Variants in NUBPL observed in about 807,000 individuals in gnomAD.
The protein encoded by NUBPL is NUBP iron-sulfur cluster assembly factor, mitochondrial, also known as iron-sulfur cluster transfer protein NUBPL.
Under a neutral mutation model 45.7 loss-of-function variants are expected in NUBPL, and 31 were observed. The observed-to-expected ratio is 0.68, with a 90% CI of 0.51 to 0.92. The LOEUF (loss-of-function observed/expected upper bound fraction) is 0.92. NUBPL is among the 40% of genes least tolerant of loss of function. The pLI, the probability that NUBPL is intolerant of heterozygous loss-of-function variation, is 0.00. For missense variants in NUBPL, 401 were observed against 398.7 expected (o/e 1.01, Z -0.05); for synonymous variants, 144 against 140.9 (o/e 1.02, Z -0.15).
At chr14:31,650,811 G>A (rs1595437125) in intron 4 of NUBPL, among the ~76,000 whole-genome samples, 1 of 152,120 alleles carries the variant, frequency 6.6e-6, no homozygotes, top group African/African-American at 2.4e-5. Context: ...TGGAAGATTG[G>A]GCATCTAGTG....
rs545876561 is a variant in NUBPL at position 31,834,755 on chromosome 14, C to T, written c.693+8041C>T. On this transcript the variant is annotated intron_variant, in intron 8 of 10. Coordinates refer to ENST00000281081, the MANE Select transcript of NUBPL (RefSeq NM_025152.3). ...CCTGTGAAATACAGAACATCATTTC[C>T]CCCATTTTGCACATGAGGAAATGTG... is the stretch of plus-strand genomic sequence containing the variant. 3.3e-5 allele frequency among the ~76,000 whole-genome samples: 5 copies of T among 152,200 alleles called. No individual in the cohort carries two copies. In the East Asian group the frequency reaches 9.7e-4, roughly 29 times the overall value.
intron 7 of NUBPL, among the ~76,000 whole-genome samples, chr14:31,803,643 G>T (rs1004740492): frequency 6.6e-6 from 1 of 152,088 alleles, no homozygotes; most frequent in African/African-American, 2.4e-5. Flanking sequence ...CAAATGTTGG[G>T]CAGAGTTGTA....
At chr14:31,656,527 T>C (rs1185262353) in intron 4 of NUBPL, among the ~76,000 whole-genome samples, 4 of 152,140 alleles carry the variant, frequency 2.6e-5, no homozygotes, top group African/African-American at 7.2e-5. Context: ...GATAGCATTA[T>C]TAATTGGCCT....
chr14:31,803,678 G>A (rs2039633266), intron 7 of NUBPL, among the ~76,000 whole-genome samples: 1 of 152,136 alleles, frequency 6.6e-6, no homozygotes, highest in African/African-American at 2.4e-5. Flanking sequence ...GGCAAGAGTT[G>A]CATGATGTAG....
rs374022159 is a variant in NUBPL at position 31,654,720 on chromosome 14, A to G, written c.383-18635A>G. ...CACTGTGCCTGCCCCGGCTATGGCA[A>G]TTTCTTCAGACAAAAATGATGTTTG... On this transcript the variant is annotated intron_variant, in intron 4 of 10. Transcript: ENST00000281081. Among the ~76,000 whole-genome samples, 8 of 152,156 alleles carry G rather than the reference A, an allele frequency of 5.3e-5. No homozygotes were observed. In the East Asian group the frequency reaches 9.7e-4, roughly 18 times the overall value.
At chr14:31,763,830 A>G (rs2038862353) in intron 6 of NUBPL, among the ~76,000 whole-genome samples, 1 of 152,194 alleles carries the variant, frequency 6.6e-6, no homozygotes, top group Admixed American at 6.5e-5. Flanking sequence ...ACTCTAGAAG[A>G]GAAAAAAAGA....
chr14:31,575,330 A>G (rs1407693714), intron 3 of NUBPL, among the ~76,000 whole-genome samples: 3 of 152,236 alleles, frequency 2.0e-5, no homozygotes, highest in Non-Finnish European at 4.4e-5. Flanking sequence ...AAATATGTAT[A>G]TAGTATCTAA....
At chr14:31,659,877 C>T (rs1183706588) in intron 4 of NUBPL, among the ~76,000 whole-genome samples, 1 of 152,000 alleles carries the variant, frequency 6.6e-6, no homozygotes, top group African/African-American at 2.4e-5. Flanking sequence ...AAAAGAGGGG[C>T]ATTTTTTTAA....
intron 6 of NUBPL, among the ~76,000 whole-genome samples, chr14:31,722,604 T>C (rs1189360303): frequency 6.6e-6 from 1 of 152,194 alleles, no homozygotes; most frequent in African/African-American, 2.4e-5. Context: ...CCAGTATCTG[T>C]TATTTTTTGA....
chr14:31,670,242 CT>C (rs1301221110), intron 4 of NUBPL, among the ~76,000 whole-genome samples: 1 of 151,466 alleles, frequency 6.6e-6, no homozygotes, highest in Non-Finnish European at 1.5e-5. Flanking sequence ...TGATATTGAT[CT>C]TTTTTTCATA....
At chr14:31,790,169 G>A (rs2039353241) in intron 7 of NUBPL, among the ~76,000 whole-genome samples, 1 of 152,160 alleles carries the variant, frequency 6.6e-6, no homozygotes, top group African/African-American at 2.4e-5. Context: ...ATAAACTGAT[G>A]TTGCCTAAGC....
intron 4 of NUBPL, among the ~76,000 whole-genome samples, chr14:31,653,305 G>A (rs557241785): frequency 6.6e-6 from 1 of 152,180 alleles, no homozygotes; most frequent in Non-Finnish European, 1.5e-5. Context: ...CCCCACTCTA[G>A]TGAGCCTGAG....
chr14:31,849,310 C>T (rs558311257), intron 9 of NUBPL, among the ~76,000 whole-genome samples: 57 of 152,244 alleles, frequency 3.7e-4, no homozygotes, highest in Non-Finnish European at 7.6e-4. Flanking sequence ...ACGCTAAGTA[C>T]CATGGCAAGT....
chr14:31,745,499 C>T (rs1009169533), intron 6 of NUBPL, among the ~76,000 whole-genome samples: 9 of 152,032 alleles, frequency 5.9e-5, no homozygotes, highest in Admixed American at 1.3e-4. Flanking sequence ...TTTCACCGTG[C>T]TAGCCAGGAT....
At chr14:31,698,081 T>C in intron 6 of NUBPL, among the ~76,000 whole-genome samples, 1 of 152,180 alleles carries the variant, frequency 6.6e-6, no homozygotes, top group Non-Finnish European at 1.5e-5. Context: ...CTGTATTTCA[T>C]TGACTTTAAG....
In NUBPL at chr14:31,787,865, C is replaced by G; in HGVS notation, c.599C>G (p.Pro200Arg). Residue 200 changes from proline (P) to arginine (R), a missense_variant, in exon 7 of 11, where the codon CCT (proline) becomes CGT (arginine). By Grantham distance (103) the Pro-to-Arg change is moderately radical. Coordinates refer to ENST00000281081, the MANE Select transcript of NUBPL (RefSeq NM_025152.3). Reference sequence around the variant, plus strand: ...CAGTTATCAGTCTCACAGAATATTCCTATAACAGGTAAATCTTCAAAGTTT... The same window carrying G: ...CAGTTATCAGTCTCACAGAATATTCGTATAACAGGTAAATCTTCAAAGTTT... The part of the protein sequence containing the change: ...DVQLSVSQNI[P>R]ITGAVIVSTP... 2 of 1,603,594 alleles carry G rather than the reference C, an allele frequency of 1.2e-6. No homozygotes were observed. Among genetic ancestry groups the G allele is most frequent in the Non-Finnish European group, 1.7e-6 (2 of 1,170,652 alleles).
chr14:31,826,852 A>C, intron 8 of NUBPL, 138 bp downstream of exon 8: 1 of 763,094 alleles, frequency 1.3e-6, no homozygotes, highest in Non-Finnish European at 2.3e-6. Flanking sequence ...CATTTTGGTG[A>C]CTTTAAAAAC....
At chr14:31,640,177 C>T (rs1177443130) in intron 4 of NUBPL, among the ~76,000 whole-genome samples, 2 of 152,174 alleles carry the variant, frequency 1.3e-5, no homozygotes, top group South Asian at 2.1e-4. Flanking sequence ...TCTTCTGCAT[C>T]GCTCATGCTG....
rs2033280472 is a variant in NUBPL, at chr14:31,561,560, G to A, written c.108+13G>A. ...TTGTGGGCGCCAGGTCCGTGGTGCT[G>A]CAGGGCAGGGGGAAGCGGGCTGACA... On this transcript the variant is annotated intron_variant, in intron 1 of 10. Coordinates refer to ENST00000281081, the MANE Select transcript of NUBPL (RefSeq NM_025152.3). 1 of 1,365,358 alleles carries A rather than the reference G, an allele frequency of 7.3e-7. No homozygotes were observed. The allele number at this position is 1,365,358 out of a possible 1,614,324, so 84.6% of individuals were successfully genotyped here. A position where few individuals can be genotyped will look rare whatever the true frequency, so the allele number is the denominator to read the frequency against.
Sources: gnomAD v4.1 joint callset for allele counts (sites outside exome capture counted in the v4.1 genomes callset) on GRCh38, gnomAD v4.1.1 for gene constraint, MANE v1.5 for transcripts, NCBI Gene and HGNC (gene_info 2026-07-23, HGNC 2026-07-21) for gene names.